ATP2C1: variants seen among roughly 807,000 people sequenced by gnomAD.
ATP2C1 encodes the protein ATPase secretory pathway Ca2+ transporting 1.
ATP2C1 carries 31 observed loss-of-function variants against 120.5 expected under a neutral mutation model. The observed-to-expected ratio is 0.26, with a 90% CI of 0.19 to 0.35. ATP2C1 has a LOEUF of 0.35. Ranked by LOEUF, ATP2C1 falls within the 10% of genes least tolerant of loss-of-function variation. The pLI is 1.00. For missense variants in ATP2C1, 731 were observed against 1,107.5 expected (o/e 0.66, Z 4.83); for synonymous variants, 351 against 358.7 (o/e 0.98, Z 0.24).
At chr3:130,940,989 A>G (rs1407361627) in intron 7 of ATP2C1, among the ~76,000 whole-genome samples, 2 of 129,224 alleles carry the variant, frequency 1.5e-5, no homozygotes, top group Non-Finnish European at 3.2e-5. Flanking sequence ...ATCTCGGCTC[A>G]CTGCAAGCTC....
chr3:130,884,930 CTTT>C (rs35931105), intron 1 of ATP2C1, among the ~76,000 whole-genome samples: 4 of 120,862 alleles, frequency 3.3e-5, no homozygotes, highest in Non-Finnish European at 5.1e-5. Flanking sequence ...TCTTTTCTTT[CTTT>C]TTTTTTTTTT....
chr3:130,886,447 G>A (rs950381026), intron 1 of ATP2C1, among the ~76,000 whole-genome samples: 6 of 151,944 alleles, frequency 3.9e-5, no homozygotes, highest in Admixed American at 1.3e-4. Flanking sequence ...TTTTCTCTAC[G>A]TCCTCTTTAA....
At chr3:130,973,911 G>C (rs775957017) in intron 17 of ATP2C1, among the ~76,000 whole-genome samples, 1 of 151,974 alleles carries the variant, frequency 6.6e-6, no homozygotes, top group Non-Finnish European at 1.5e-5. Flanking sequence ...CTTAGATATT[G>C]GTGGATAAAA....
intron 2 of ATP2C1, among the ~76,000 whole-genome samples, chr3:130,911,067 C>A (rs1197369229): frequency 6.6e-6 from 1 of 151,952 alleles, no homozygotes; most frequent in Admixed American, 6.6e-5. Context: ...GGCTGTGAAT[C>A]CATCTGGTCC....
At chr3:130,988,591 T>A (rs72985798) in intron 20 of ATP2C1, among the ~76,000 whole-genome samples, 2,650 of 152,208 alleles carry the variant, frequency 0.017, 38 homozygotes, top group East Asian at 0.075. Flanking sequence ...TAGGCAGGGA[T>A]GACACCCACG....
chr3:130,882,261 G>T (rs188425455), intron 1 of ATP2C1, among the ~76,000 whole-genome samples: 3 of 150,330 alleles, frequency 2.0e-5, no homozygotes, highest in Admixed American at 1.3e-4. Flanking sequence ...GCAGTGGCGC[G>T]ACCTTGGATC....
chr3:130,855,393 G>C (rs1294318131), intron 1 of ATP2C1, among the ~76,000 whole-genome samples: 1 of 152,220 alleles, frequency 6.6e-6, no homozygotes, highest in Non-Finnish European at 1.5e-5. Context: ...TATTAGAGAA[G>C]CCGTGGGGTT....
chr3:130,998,246 C>T, intron 25 of ATP2C1, 48 bp from the exon 26 acceptor site: 1 of 1,199,104 alleles, frequency 8.3e-7, no homozygotes, highest in Non-Finnish European at 1.2e-6. Context: ...GCGATTTATC[C>T]ATTAAATTCA....
intron 1 of ATP2C1, chr3:130,867,863 C>T (rs1056881659): frequency 3.4e-5 from 6 of 177,696 alleles, no homozygotes; most frequent in African/African-American, 5.1e-5. Flanking sequence ...TCTTCCCCGC[C>T]GCCATCACAT....
At position 130,962,728 on chromosome 3, in the gene ATP2C1, AAAAAG is replaced by A. The variant is rs1173857957; in HGVS notation, c.900-1233_900-1229del. Among the ~76,000 whole-genome samples the A allele has an allele frequency of 2.7e-4, 40 of 149,346 alleles. No homozygotes were observed. The South Asian group carries it at 3.1e-3, about 12-fold the overall frequency. ...TAATGGAAGCATTAAAAAAAAAAAAAAAAAGAAAAGAAAAAAGAAAAAAAAGGATT... is the reference window on the plus strand; with the variant it reads ...TAATGGAAGCATTAAAAAAAAAAAAAAAAAGAAAAAAGAAAAAAAAGGATT... On this transcript the variant is annotated intron_variant, in intron 12 of 27. Coordinates refer to ENST00000510168, the MANE Select transcript of ATP2C1 (RefSeq NM_001378687.1).
chr3:130,953,750 G>A, intron 8 of ATP2C1, 71 bp from the exon 9 acceptor site: 1 of 1,506,494 alleles, frequency 6.6e-7, no homozygotes, highest in Admixed American at 1.7e-5. Flanking sequence ...AAGAAGTGAT[G>A]ATGGTTATGA....
At chr3:130,899,949 G>A (rs926561687) in intron 2 of ATP2C1, among the ~76,000 whole-genome samples, 3 of 152,052 alleles carry the variant, frequency 2.0e-5, no homozygotes, top group Non-Finnish European at 4.4e-5. Context: ...AGGCCTTTTG[G>A]TTTGACATTT....
At chr3:130,972,862 A>G (rs189363711) in intron 17 of ATP2C1, among the ~76,000 whole-genome samples, 16 of 152,170 alleles carry the variant, frequency 1.1e-4, no homozygotes, top group Non-Finnish European at 1.5e-4. Flanking sequence ...AGGGATTACT[A>G]GATACTTGGA....
In ATP2C1 at chr3:131,001,700, T is replaced by A. The variant is rs901790119; in HGVS notation, c.*350T>A. 6 of 969,270 alleles carry A rather than the reference T, an allele frequency of 6.2e-6. No homozygotes were observed. Among genetic ancestry groups the A allele is most frequent in the Admixed American group, 6.1e-5 (1 of 16,414 alleles). 60.0% of individuals were successfully genotyped at this position (969,270 alleles called of 1,614,324 possible). On this transcript the variant is annotated 3_prime_UTR_variant, in exon 28 of 28. Transcript: ENST00000510168. ...TATCTTAGATAGATATATTTTTTTT[T>A]ATTTTTAAATATTGTACTATTTATG...
chr3:130,972,380 G>T (rs1226125683), intron 17 of ATP2C1, among the ~76,000 whole-genome samples: 3 of 151,996 alleles, frequency 2.0e-5, no homozygotes, highest in African/African-American at 7.2e-5. Flanking sequence ...CCTACTCCTG[G>T]ACTTCATCTC....
rs985465564 is a variant in ATP2C1 at position 130,930,650 on chromosome 3, C to G, written c.117+124C>G. ...AAATATTCTGTTCTGTGCCATTCAG[C>G]ATAGTAGCCACAAGTTGAACAGGAC... On this transcript the variant is annotated intron_variant, in intron 3 of 27. Coordinates refer to ENST00000510168, the MANE Select transcript of ATP2C1 (RefSeq NM_001378687.1). 4.1e-6 allele frequency: 3 copies of G among 733,286 alleles called. No individual in the cohort carries two copies. In the African/African-American group the frequency reaches 5.2e-5, roughly 13 times the overall value. The allele number at this position is 733,286 out of a possible 1,614,324, so 45.4% of individuals were successfully genotyped here.
intron 1 of ATP2C1, among the ~76,000 whole-genome samples, chr3:130,887,413 G>T (rs1345080267): frequency 6.6e-6 from 1 of 152,172 alleles, no homozygotes; most frequent in Non-Finnish European, 1.5e-5. Flanking sequence ...TTCCCTTCAG[G>T]GCAGTGAGTT....
Position 130,959,354 on chromosome 3 carries a change from ACTTTAT to A in ATP2C1, c.899+14_899+19del. On this transcript the variant is annotated intron_variant, in intron 12 of 27. Coordinates refer to ENST00000510168, the MANE Select transcript of ATP2C1 (RefSeq NM_001378687.1). ...CTATTAGTGTAAGGTAAGTCTCAAT[ACTTTAT>A]AATTGGAGTCTCTTTTGCCTCTTTT... The A allele has an allele frequency of 1.3e-6, 2 of 1,575,378 alleles. No individual in the cohort carries two copies. The highest frequency in any genetic ancestry group is 1.7e-6 in the Non-Finnish European group (2 of 1,145,794).
chr3:130,972,857 T>A (rs1231302966), intron 17 of ATP2C1, among the ~76,000 whole-genome samples: 1 of 151,848 alleles, frequency 6.6e-6, no homozygotes, highest in Non-Finnish European at 1.5e-5. Flanking sequence ...CAGGGAGGGA[T>A]TACTAGATAC....
Sources: allele counts gnomAD v4.1 joint callset (sites outside exome capture counted in the v4.1 genomes callset), GRCh38; gene constraint gnomAD v4.1.1; transcripts MANE v1.5; gene names NCBI Gene and HGNC (gene_info 2026-07-23, HGNC 2026-07-21).